Variants in PARD3B observed in about 807,000 individuals in gnomAD.
PARD3B encodes partitioning defective 3 homolog B.
PARD3B carries 103 observed loss-of-function variants against 130.2 expected under a neutral mutation model. The ratio of observed to expected loss-of-function variants is 0.79; its 90% CI spans 0.67 to 0.93. The LOEUF is 0.93. Ranked by LOEUF, PARD3B falls within the 40% of genes least tolerant of loss-of-function variation. PARD3B has a pLI of 0.00. For synonymous variants in PARD3B, 583 were observed against 553.2 expected, an observed-to-expected ratio of 1.05 and a Z score of -0.76; for missense variants, 1,609 against 1,499.2, an observed-to-expected ratio of 1.07 and a Z score of -1.21.
chr2:204,794,843 GGTTT>G (rs560595121), intron 2 of PARD3B, among the ~76,000 whole-genome samples: 90 of 152,206 alleles, frequency 5.9e-4, no homozygotes, highest in Non-Finnish European at 8.7e-4. Flanking sequence ...TTATACATGT[GGTTT>G]CTTTCCTTGA....
chr2:205,475,317 G>A (rs2048988812), intron 20 of PARD3B, among the ~76,000 whole-genome samples: 1 of 152,060 alleles, frequency 6.6e-6, no homozygotes, highest in African/African-American at 2.4e-5. Context: ...TGTTGCAAAG[G>A]AAACCCCTTT....
At chr2:204,745,118 A>G (rs2040161014) in intron 2 of PARD3B, among the ~76,000 whole-genome samples, 1 of 152,134 alleles carries the variant, frequency 6.6e-6, no homozygotes, top group South Asian at 2.1e-4. Context: ...ACTTAGTGAT[A>G]GAAAGATGGA....
intron 3 of PARD3B, among the ~76,000 whole-genome samples, chr2:204,970,079 T>G (rs1271335982): frequency 6.6e-6 from 1 of 152,138 alleles, no homozygotes; most frequent in South Asian, 2.1e-4. Context: ...AAAGACAAAT[T>G]AGTGAGGAAA....
chr2:204,780,789 C>A (rs546021938), intron 2 of PARD3B, among the ~76,000 whole-genome samples: 6 of 151,994 alleles, frequency 3.9e-5, no homozygotes, highest in Non-Finnish European at 8.8e-5. Context: ...TTGGTGGATT[C>A]TTGAAGCCGT....
chr2:205,396,796 G>T (rs929100119), intron 18 of PARD3B, among the ~76,000 whole-genome samples: 8 of 152,188 alleles, frequency 5.3e-5, no homozygotes, highest in African/African-American at 1.7e-4. Context: ...GGCCTGGAAT[G>T]CAGTGCATAT....
chr2:205,375,934 G>A (rs2045029375), intron 18 of PARD3B, among the ~76,000 whole-genome samples: 1 of 152,132 alleles, frequency 6.6e-6, no homozygotes, highest in South Asian at 2.1e-4. Context: ...AGTATAGAAT[G>A]CTAGACAGTG....
rs528070385 is a variant in PARD3B, at chr2:205,125,941, C to T, written c.1434+204C>T. Among the ~76,000 whole-genome samples the T allele has an allele frequency of 6.6e-6, 1 of 152,228 alleles. No individual in the cohort carries two copies. Among genetic ancestry groups the T allele is most frequent in the South Asian group, 2.1e-4 (1 of 4,824 alleles). On this transcript the variant is annotated intron_variant, in intron 10 of 22. Transcript: ENST00000406610. This position sits in a 1 kb window ranked among gnomAD's most constrained non-coding sequence, Gnocchi z 4.0. Reference sequence around the variant, plus strand: ...CAGTGGGTATATGTAAACAGTGATTCCGGGGCACAGATTCAAACACCTTTA... The same window carrying T: ...CAGTGGGTATATGTAAACAGTGATTTCGGGGCACAGATTCAAACACCTTTA...
At chr2:205,171,272 T>A (rs2035159836) in intron 11 of PARD3B, among the ~76,000 whole-genome samples, 1 of 152,072 alleles carries the variant, frequency 6.6e-6, no homozygotes, top group Admixed American at 6.5e-5. Flanking sequence ...CCCCTGAGTC[T>A]GGCTGTCAAC....
chr2:205,126,251 T>G (rs2031382556), intron 10 of PARD3B, among the ~76,000 whole-genome samples: 1 of 152,160 alleles, frequency 6.6e-6, no homozygotes. Context: ...TTCAAAAGCC[T>G]TATTAAAAAT....
intron 18 of PARD3B, among the ~76,000 whole-genome samples, chr2:205,315,639 G>A (rs761117361): frequency 2.0e-5 from 3 of 151,996 alleles, no homozygotes; most frequent in African/African-American, 4.8e-5. Flanking sequence ...CTATATTCTC[G>A]TCCCAGTTTG....
chr2:205,522,349 T>A (rs1476729165), intron 21 of PARD3B, among the ~76,000 whole-genome samples: 599 of 152,060 alleles, frequency 3.9e-3, no homozygotes, highest in African/African-American at 0.014. Flanking sequence ...ATGATTTATA[T>A]GATCTTTAAA....
chr2:204,563,326 C>T (rs1015584191), intron 1 of PARD3B, among the ~76,000 whole-genome samples: 2 of 148,304 alleles, frequency 1.3e-5, no homozygotes, highest in Non-Finnish European at 3.0e-5. Flanking sequence ...ACCCTAATGA[C>T]CTCGTCTTAA....
chr2:205,046,783 A>T (rs1698814939), intron 3 of PARD3B, among the ~76,000 whole-genome samples: 1 of 152,072 alleles, frequency 6.6e-6, no homozygotes. Context: ...CCACAAGCAG[A>T]TTTTTTTTGA....
At chr2:205,164,732 G>T (rs564478278) in intron 11 of PARD3B, among the ~76,000 whole-genome samples, 1 of 151,628 alleles carries the variant, frequency 6.6e-6, no homozygotes, top group Non-Finnish European at 1.5e-5. Flanking sequence ...ATATAGCATG[G>T]TAATGATGCT....
chr2:205,572,213 A>C lies in PARD3B; in HGVS notation c.3260+18810A>C. Among the ~76,000 whole-genome samples the C allele has an allele frequency of 6.6e-6, 1 of 152,182 alleles. No homozygotes were observed. Among genetic ancestry groups the C allele is most frequent in the East Asian group, 1.9e-4 (1 of 5,194 alleles). On this transcript the variant is annotated intron_variant, in intron 22 of 22. Coordinates refer to ENST00000406610, the MANE Select transcript of PARD3B (RefSeq NM_001302769.2). The surrounding 1 kb of genome is among the most constrained non-coding windows in gnomAD (Gnocchi z 4.2). ...GATTTTCAGTCTCTGGTACCTTGGGAAGAGAGTAGAAGAATGACAAATTAT... is the reference window on the plus strand; with the variant it reads ...GATTTTCAGTCTCTGGTACCTTGGGCAGAGAGTAGAAGAATGACAAATTAT...
intron 2 of PARD3B, among the ~76,000 whole-genome samples, chr2:204,741,527 G>A (rs2040011379): frequency 6.6e-6 from 1 of 152,110 alleles, no homozygotes; most frequent in Non-Finnish European, 1.5e-5. Flanking sequence ...TAGATTTATA[G>A]TGTTGTGTTT....
intron 10 of PARD3B, among the ~76,000 whole-genome samples, chr2:205,155,954 C>A (rs1270596947): frequency 6.6e-6 from 1 of 152,086 alleles, no homozygotes; most frequent in African/African-American, 2.4e-5. Flanking sequence ...TATAAAGACA[C>A]ATGCACACGT....
intron 2 of PARD3B, among the ~76,000 whole-genome samples, chr2:204,822,301 G>A (rs6707247): frequency 2.6e-5 from 4 of 152,210 alleles, no homozygotes; most frequent in African/African-American, 9.6e-5. Context: ...GCAATCTTAT[G>A]ATGAAACTAT....
intron 4 of PARD3B, among the ~76,000 whole-genome samples, chr2:205,048,808 C>T (rs1276284274): frequency 6.6e-6 from 1 of 152,128 alleles, no homozygotes; most frequent in East Asian, 1.9e-4. Flanking sequence ...AAGCAGGTGT[C>T]TTGAAAGTAT....
Sources: gnomAD v4.1 joint callset for allele counts (sites outside exome capture counted in the v4.1 genomes callset) on GRCh38, gnomAD v4.1.1 for gene constraint, Gnocchi (gnomAD v3.1) non-coding constraint, MANE v1.5 for transcripts, NCBI Gene and HGNC (gene_info 2026-07-23, HGNC 2026-07-21) for gene names.